The following HFM1 variants were observed in gnomAD, a reference collection of about 807,000 sequenced individuals.
HFM1 encodes helicase for meiosis 1, also known as probable ATP-dependent DNA helicase HFM1.
HFM1 carries 169 observed loss-of-function variants against 192.1 expected under a neutral mutation model. The ratio of observed to expected loss-of-function variants is 0.88; its 90% CI spans 0.78 to 1.00. The LOEUF is 1.00. HFM1 is among the 50% of genes least tolerant of loss of function. HFM1 has a pLI of 0.00. For synonymous variants in HFM1, 525 were observed against 537.8 expected, an observed-to-expected ratio of 0.98 and a Z score of 0.33; for missense variants, 1,661 against 1,668.0, an observed-to-expected ratio of 1.00 and a Z score of 0.07.
intron 13 of HFM1, among the ~76,000 whole-genome samples, chr1:91,360,381 G>A (rs916752874): frequency 3.9e-5 from 6 of 152,196 alleles, no homozygotes; most frequent in Admixed American, 1.3e-4. Flanking sequence ...ACAGAAAAAA[G>A]CAAGGGTTGC....
chr1:91,363,854 C>T (rs115658512), intron 13 of HFM1, among the ~76,000 whole-genome samples: 79 of 152,194 alleles, frequency 5.2e-4, no homozygotes, highest in Non-Finnish European at 8.2e-4. Flanking sequence ...ACTACACAGC[C>T]GTAAAAAGGA....
At position 91,266,015 on chromosome 1, in the gene HFM1, G is replaced by A. The variant is rs775358585; in HGVS notation, c.3974+2C>T. 1.7e-5 allele frequency: 27 copies of A among 1,588,396 alleles called. No homozygotes were observed. The South Asian group carries it at 2.8e-4, about 16-fold the overall frequency. On this transcript the variant is annotated splice_donor_variant, in intron 36 of 38. Transcript: ENST00000370425. LOFTEE classifies it low-confidence loss of function (GC_TO_GT_DONOR). ...ATTACAAACCTAAGTTCTAAAACTT[G>A]CCTGTTTGACATTTCTCTTTGGAAT...
intron 1 of HFM1, among the ~76,000 whole-genome samples, chr1:91,403,637 C>A (rs974181464): frequency 2.6e-5 from 4 of 152,226 alleles, no homozygotes; most frequent in Middle Eastern, 3.4e-3. Context: ...GCACGTGGCA[C>A]AAAATTAGAT....
intron 30 of HFM1, among the ~76,000 whole-genome samples, chr1:91,306,404 T>C (rs752296580): frequency 2.6e-5 from 4 of 152,176 alleles, no homozygotes; most frequent in Non-Finnish European, 4.4e-5. Flanking sequence ...TTTTAAATCA[T>C]AAATGAGTAC....
chr1:91,325,427 T>C lies in HFM1; in HGVS notation c.2336-661A>G, dbSNP rs377157274. ...GCCCACAGGAGTGCTTACATCAGCATAGCCCCAATTCCAAGTGGCTCAGCA... is the reference window on the plus strand; with the variant it reads ...GCCCACAGGAGTGCTTACATCAGCACAGCCCCAATTCCAAGTGGCTCAGCA... On this transcript the variant is annotated intron_variant, in intron 20 of 38. Transcript: ENST00000370425. Among the ~76,000 whole-genome samples, 234 of 152,324 alleles carry C rather than the reference T, an allele frequency of 1.5e-3. 2 individuals are homozygous for C. Among genetic ancestry groups the C allele is most frequent in the Middle Eastern group, 6.8e-3 (2 of 294 alleles).
At chr1:91,297,006 G>A (rs1188239462) in intron 30 of HFM1, among the ~76,000 whole-genome samples, 4 of 152,240 alleles carry the variant, frequency 2.6e-5, no homozygotes, top group African/African-American at 4.8e-5. Context: ...CGCCTCACCC[G>A]GGAAGCACAA....
chr1:91,308,945 C>A (rs1296007155), intron 30 of HFM1, among the ~76,000 whole-genome samples: 1 of 151,988 alleles, frequency 6.6e-6, no homozygotes, highest in Admixed American at 6.5e-5. Flanking sequence ...AGTGCTTCCA[C>A]AAATCTCTGA....
intron 30 of HFM1, among the ~76,000 whole-genome samples, chr1:91,309,119 T>C (rs1339683213): frequency 6.6e-6 from 1 of 152,304 alleles, no homozygotes; most frequent in African/African-American, 2.4e-5. Flanking sequence ...TAGTTCTAAA[T>C]GCGTTCTTCC....
At chr1:91,317,558 G>A (rs183840949) in intron 25 of HFM1, among the ~76,000 whole-genome samples, 147 of 152,144 alleles carry the variant, frequency 9.7e-4, no homozygotes, top group Non-Finnish European at 1.7e-3. Context: ...TAGAAGACAC[G>A]GAACAGTATA....
chr1:91,354,236 G>A, intron 13 of HFM1, among the ~76,000 whole-genome samples: 1 of 151,314 alleles, frequency 6.6e-6, no homozygotes, highest in East Asian at 1.9e-4. Context: ...ACAAGCAGAA[G>A]AAAGAATCTG....
intron 13 of HFM1, among the ~76,000 whole-genome samples, chr1:91,354,182 A>G (rs1475348975): frequency 6.6e-6 from 1 of 151,832 alleles, no homozygotes; most frequent in African/African-American, 2.4e-5. Context: ...CTAAAGAATT[A>G]AATGAATGAA....
intron 2 of HFM1, 37 bp from the exon 3 acceptor site, chr1:91,396,442 T>C (rs1428676357): frequency 9.7e-7 from 1 of 1,033,804 alleles, no homozygotes; most frequent in Non-Finnish European, 1.4e-6. Flanking sequence ...TATATGTTAA[T>C]AAAGATATAA....
intron 6 of HFM1, among the ~76,000 whole-genome samples, chr1:91,382,904 G>T (rs1227982354): frequency 6.6e-6 from 1 of 152,142 alleles, no homozygotes; most frequent in African/African-American, 2.4e-5. Flanking sequence ...CTGCAGAACT[G>T]AAAATGACAA....
intron 15 of HFM1, 117 bp from the exon 16 acceptor site, chr1:91,352,768 A>G: frequency 2.7e-6 from 2 of 738,392 alleles, no homozygotes; most frequent in Non-Finnish European, 4.2e-6. Flanking sequence ...AGAAATTTAG[A>G]AAAGAAAAAA....
chr1:91,363,122 G>T (rs1207029265), intron 13 of HFM1, among the ~76,000 whole-genome samples: 1 of 152,170 alleles, frequency 6.6e-6, no homozygotes, highest in Non-Finnish European at 1.5e-5. Context: ...CACGGGCAAA[G>T]ATTTCATGAA....
At chr1:91,344,911 G>A (rs1304864516) in intron 19 of HFM1, among the ~76,000 whole-genome samples, 1 of 151,394 alleles carries the variant, frequency 6.6e-6, no homozygotes, top group Non-Finnish European at 1.5e-5. Flanking sequence ...CACAACACCA[G>A]CTCATTTTTT....
At chr1:91,275,578 T>C (rs559647381) in intron 32 of HFM1, among the ~76,000 whole-genome samples, 2 of 152,322 alleles carry the variant, frequency 1.3e-5, no homozygotes, top group South Asian at 4.1e-4. Context: ...TCTACCTGAA[T>C]GAGACCCCAC....
chr1:91,405,086 A>G (rs1169597318), upstream of HFM1, among the ~76,000 whole-genome samples: 1 of 151,982 alleles, frequency 6.6e-6, no homozygotes, highest in Admixed American at 6.6e-5. Context: ...CCACCACTCC[A>G]CAAACATACC....
At chr1:91,404,946 A>T, upstream of HFM1, 1 of 447,982 alleles carries the variant, frequency 2.2e-6, no homozygotes, top group Admixed American at 2.4e-5. Context: ...AAAGTTTATA[A>T]CTGGTTTTGA....
Sources: allele counts gnomAD v4.1 joint callset (sites outside exome capture counted in the v4.1 genomes callset), GRCh38; gene constraint gnomAD v4.1.1; transcripts MANE v1.5; gene names NCBI Gene and HGNC (gene_info 2026-07-23, HGNC 2026-07-21).